The following UBTD1 variants were observed in gnomAD, a reference collection of about 807,000 sequenced individuals.
UBTD1 encodes ubiquitin domain-containing protein 1.
UBTD1 carries 19 observed loss-of-function variants against 21.7 expected under a neutral mutation model. The ratio of observed to expected loss-of-function variants is 0.87; its 90% CI spans 0.61 to 1.28. UBTD1 has a LOEUF of 1.28. Among genes scored for constraint, UBTD1 ranks in the 50% most tolerant of loss-of-function variants. UBTD1 has a pLI of 0.00. For synonymous variants in UBTD1, 116 were observed against 135.1 expected, an observed-to-expected ratio of 0.86 and a Z score of 0.98; for missense variants, 282 against 315.1, an observed-to-expected ratio of 0.89 and a Z score of 0.80.
intron 1 of UBTD1, among the ~76,000 whole-genome samples, chr10:97,556,652 C>G (rs1175206331): frequency 6.6e-6 from 1 of 152,224 alleles, no homozygotes; most frequent in Non-Finnish European, 1.5e-5. Flanking sequence ...GAAGCATAGA[C>G]TGGGAAGCCC....
chr10:97,527,171 C>CAAAAA lies in UBTD1; in HGVS notation c.70+27917_70+27921dup, dbSNP rs34756643. Among the ~76,000 whole-genome samples, 83 of 66,662 alleles carry CAAAAA rather than the reference C, an allele frequency of 1.2e-3. 3 individuals carry two copies. Among genetic ancestry groups the CAAAAA allele is most frequent in the African/African-American group, 4.7e-3 (74 of 15,716 alleles). The allele number at this position is 66,662 out of a possible 152,430, so 43.7% of individuals were successfully genotyped here. On this transcript the variant is annotated intron_variant, in intron 1 of 2. Coordinates refer to ENST00000370664, the MANE Select transcript of UBTD1 (RefSeq NM_024954.5). ...GGCAACAAAGCGAAACTCTTGTCTCCAAAAAAAAAAAAAAAAAAAAAAAGC... is the reference window on the plus strand; with the variant it reads ...GGCAACAAAGCGAAACTCTTGTCTCCAAAAAAAAAAAAAAAAAAAAAAAAAAAAGC...
intron 1 of UBTD1, among the ~76,000 whole-genome samples, chr10:97,541,829 A>C (rs945940206): frequency 6.9e-6 from 1 of 144,618 alleles, no homozygotes. Context: ...CCGCCTCCCT[A>C]GTTTAAGAAA....
rs141502586 is a variant in UBTD1 at position 97,523,093 on chromosome 10, A to G, written c.70+23820A>G. On this transcript the variant is annotated intron_variant, in intron 1 of 2. Transcript: ENST00000370664. Reference sequence around the variant, plus strand: ...GCCTTCCTCTTCGGGCTGTGCACCCATATCACTTCAGAGCCACTCCTGCCT... The same window carrying G: ...GCCTTCCTCTTCGGGCTGTGCACCCGTATCACTTCAGAGCCACTCCTGCCT... 1.8e-3 allele frequency among the ~76,000 whole-genome samples: 274 copies of G among 152,272 alleles called. 1 individual carries two copies. The highest frequency in any genetic ancestry group is 6.4e-3 in the African/African-American group (266 of 41,548).
At chr10:97,503,337 G>A (rs775735435) in intron 1 of UBTD1, among the ~76,000 whole-genome samples, 2 of 152,162 alleles carry the variant, frequency 1.3e-5, no homozygotes, top group Admixed American at 6.5e-5. Flanking sequence ...CTCCTTTGGT[G>A]GGGGCTCTTG....
intron 1 of UBTD1, among the ~76,000 whole-genome samples, chr10:97,504,165 G>T (rs1426361210): frequency 2.0e-5 from 3 of 152,076 alleles, no homozygotes; most frequent in Non-Finnish European, 2.9e-5. Flanking sequence ...ACCTGACTCT[G>T]ACCATCTCCA....
chr10:97,523,592 A>G (rs959162642), intron 1 of UBTD1, among the ~76,000 whole-genome samples: 5 of 152,106 alleles, frequency 3.3e-5, no homozygotes, highest in Admixed American at 1.3e-4. Context: ...CCTGGCATCA[A>G]CATGAAGCGA....
intron 1 of UBTD1, among the ~76,000 whole-genome samples, chr10:97,541,190 T>A (rs759292241): frequency 4.6e-5 from 7 of 152,068 alleles, no homozygotes; most frequent in Non-Finnish European, 8.8e-5. Context: ...TGTAAAAAAA[T>A]ATCTTACCAG....
At chr10:97,499,307 T>C (rs1338509554) in intron 1 of UBTD1, 34 bp downstream of exon 1, 25 of 1,541,206 alleles carry the variant, frequency 1.6e-5, no homozygotes, top group Non-Finnish European at 2.2e-5. Context: ...GCCTCGGGCA[T>C]CCCGCCAGTT....
chr10:97,519,339 AT>A (rs1401721247), intron 1 of UBTD1, among the ~76,000 whole-genome samples: 1 of 152,198 alleles, frequency 6.6e-6, no homozygotes, highest in Non-Finnish European at 1.5e-5. Context: ...ACTTCACGAC[AT>A]TATCCTTGCA....
intron 1 of UBTD1, among the ~76,000 whole-genome samples, chr10:97,506,705 T>C (rs2040401066): frequency 6.6e-6 from 1 of 152,196 alleles, no homozygotes; most frequent in Non-Finnish European, 1.5e-5. Context: ...ATATTCTGCT[T>C]TCTCTTTTAT....
At chr10:97,545,488 C>T (rs1037689034) in intron 1 of UBTD1, among the ~76,000 whole-genome samples, 1 of 151,612 alleles carries the variant, frequency 6.6e-6, no homozygotes, top group African/African-American at 2.4e-5. Flanking sequence ...GCTAGGACAT[C>T]GCCTGGGCTG....
chr10:97,505,157 C>T (rs1017408179), intron 1 of UBTD1, among the ~76,000 whole-genome samples: 21 of 152,148 alleles, frequency 1.4e-4, no homozygotes, highest in African/African-American at 5.1e-4. Flanking sequence ...CATCTCTTAC[C>T]CATCAACTTG....
intron 1 of UBTD1, among the ~76,000 whole-genome samples, chr10:97,524,923 T>A (rs1362372918): frequency 6.6e-6 from 1 of 152,214 alleles, no homozygotes; most frequent in African/African-American, 2.4e-5. Context: ...CATAGTCACA[T>A]GGCCTCCCTG....
intron 1 of UBTD1, among the ~76,000 whole-genome samples, chr10:97,547,827 G>T (rs555396609): frequency 1.9e-3 from 291 of 152,040 alleles, no homozygotes; most frequent in Admixed American, 5.5e-3. Context: ...GGCCTCCCAA[G>T]TGCTGGGATC....
At chr10:97,505,855 C>G (rs2040397099) in intron 1 of UBTD1, among the ~76,000 whole-genome samples, 2 of 152,152 alleles carry the variant, frequency 1.3e-5, no homozygotes. Context: ...ACACAAAAGC[C>G]ATAGCCAGTG....
In UBTD1 at chr10:97,499,272, A is replaced by G; in HGVS notation, c.69A>G (p.Ala23=). The change falls in exon 1 of 3, where the codon GCA becomes GCG. Residue 23 remains alanine, a splice_region_variant and synonymous_variant. Transcript: ENST00000370664. Reference sequence around the variant, plus strand: ...CCCCGGGACACCCCCGCAAGCGAGCAGGTAACGATGGGGAAGGGAGCAGGG... The same window carrying G: ...CCCCGGGACACCCCCGCAAGCGAGCGGGTAACGATGGGGAAGGGAGCAGGG... ...PAAPGHPRKR[A]GRNEPLKKER... The G allele has an allele frequency of 6.5e-7, 1 of 1,548,544 alleles. No homozygotes were observed. Among genetic ancestry groups the G allele is most frequent in the Non-Finnish European group, 8.7e-7 (1 of 1,145,734 alleles).
chr10:97,534,682 C>T (rs1040227678), intron 1 of UBTD1, among the ~76,000 whole-genome samples: 6 of 152,074 alleles, frequency 3.9e-5, no homozygotes, highest in African/African-American at 1.4e-4. Context: ...TCCACTACCC[C>T]ACTTCTGGGG....
chr10:97,516,301 C>T (rs553841466), intron 1 of UBTD1, among the ~76,000 whole-genome samples: 287 of 152,336 alleles, frequency 1.9e-3, no homozygotes, highest in Admixed American at 2.7e-3. Flanking sequence ...AGCATCTGCT[C>T]CTGGCCTCCC....
chr10:97,522,351 C>T (rs1330851724), intron 1 of UBTD1, among the ~76,000 whole-genome samples: 1 of 152,230 alleles, frequency 6.6e-6, no homozygotes, highest in African/African-American at 2.4e-5. Context: ...ACACCATGGC[C>T]TTGTGAGAGC....
Sources: gnomAD v4.1 joint callset for allele counts (sites outside exome capture counted in the v4.1 genomes callset) on GRCh38, gnomAD v4.1.1 for gene constraint, MANE v1.5 for transcripts, NCBI Gene and HGNC (gene_info 2026-07-23, HGNC 2026-07-21) for gene names.